RHOBTB1: variants seen among roughly 807,000 people sequenced by gnomAD.
RHOBTB1 encodes the protein rho-related BTB domain-containing protein 1.
Under a neutral mutation model 71.6 loss-of-function variants are expected in RHOBTB1, and 40 were observed. The observed-to-expected ratio is 0.56, with a 90% CI of 0.43 to 0.73. The LOEUF (loss-of-function observed/expected upper bound fraction) is 0.73. RHOBTB1 is among the 30% of genes least tolerant of loss of function. The probability of loss-of-function intolerance (pLI) is 0.00; values close to 1 mark genes in which losing one functional copy is unlikely to be tolerated. For synonymous variants in RHOBTB1, 319 were observed against 334.9 expected (o/e 0.95, Z 0.52); for missense variants, 797 against 894.0 (o/e 0.89, Z 1.38).
intron 2 of RHOBTB1, among the ~76,000 whole-genome samples, chr10:60,963,859 C>T (rs2085867153): frequency 6.6e-6 from 1 of 152,094 alleles, no homozygotes; most frequent in Admixed American, 6.6e-5. Flanking sequence ...GGTTCTTAGA[C>T]TATTAGGTAA....
At chr10:60,878,147 T>A in intron 7 of RHOBTB1, 89 bp from the exon 8 acceptor site, 1 of 1,022,670 alleles carries the variant, frequency 9.8e-7, no homozygotes, top group African/African-American at 1.6e-5. Flanking sequence ...ATATCCTGTG[T>A]GACTTGATAT....
At chr10:60,905,321 G>T (rs1370660658) in intron 4 of RHOBTB1, among the ~76,000 whole-genome samples, 1 of 151,566 alleles carries the variant, frequency 6.6e-6, no homozygotes, top group Non-Finnish European at 1.5e-5. Flanking sequence ...GTGGTGGTGG[G>T]CACCTGTAAT....
intron 2 of RHOBTB1, among the ~76,000 whole-genome samples, chr10:60,954,979 G>A (rs982895029): frequency 1.3e-5 from 2 of 151,400 alleles, no homozygotes. Flanking sequence ...TTATAAGAGG[G>A]AAATAGTCCA....
the RHOBTB1 span, among the ~76,000 whole-genome samples, chr10:60,862,431 C>T: frequency 6.7e-6 from 1 of 150,326 alleles, no homozygotes; most frequent in African/African-American, 2.5e-5. Context: ...CTTCTGACCT[C>T]AGGTGATCCG....
At chr10:60,876,489 T>C (rs529429632) in intron 8 of RHOBTB1, among the ~76,000 whole-genome samples, 175 of 152,306 alleles carry the variant, frequency 1.1e-3, no homozygotes, top group African/African-American at 4.0e-3. Flanking sequence ...CTGAGATTGA[T>C]CACAAACCTT....
chr10:60,938,365 G>A (rs1404679064), intron 2 of RHOBTB1, among the ~76,000 whole-genome samples: 3 of 152,172 alleles, frequency 2.0e-5, no homozygotes, highest in Non-Finnish European at 4.4e-5. Context: ...GCTGGGACTT[G>A]GAAGCCTGGG....
At chr10:60,934,735 T>A (rs1388586965) in intron 2 of RHOBTB1, among the ~76,000 whole-genome samples, 1 of 152,346 alleles carries the variant, frequency 6.6e-6, no homozygotes, top group Admixed American at 6.5e-5. Context: ...TATTCTCCCA[T>A]GCTTACTGAA....
intron 2 of RHOBTB1, among the ~76,000 whole-genome samples, chr10:60,975,780 T>C (rs1162512730): frequency 6.6e-6 from 1 of 152,096 alleles, no homozygotes; most frequent in African/African-American, 2.4e-5. Flanking sequence ...AACAGAATAA[T>C]ATATACAAAG....
At chr10:60,954,535 C>A (rs1272413132) in intron 2 of RHOBTB1, among the ~76,000 whole-genome samples, 1 of 152,094 alleles carries the variant, frequency 6.6e-6, no homozygotes. Context: ...ATAGAGGACA[C>A]CCCATTACAT....
chr10:60,991,689 C>T lies in RHOBTB1; in HGVS notation c.-162-5744G>A, dbSNP rs571910863. Among the ~76,000 whole-genome samples, 331 of 152,158 alleles carry T rather than the reference C, an allele frequency of 2.2e-3. 2 individuals carry two copies. The highest frequency in any genetic ancestry group is 7.7e-3 in the African/African-American group (321 of 41,504). On this transcript the variant is annotated intron_variant, in intron 1 of 11. Transcript: ENST00000357917. ...CTTGTGATCCACCCGCCTCAGCCTCCCAAAGTGCTGGGATTACAGACATGA... is the reference window on the plus strand; with the variant it reads ...CTTGTGATCCACCCGCCTCAGCCTCTCAAAGTGCTGGGATTACAGACATGA...
chr10:60,911,053 G>T, intron 3 of RHOBTB1, 63 bp from the exon 4 acceptor site: 1 of 1,302,264 alleles, frequency 7.7e-7, no homozygotes, highest in Non-Finnish European at 1.1e-6. Context: ...GGAGAAGCGT[G>T]TTCAAGTCAG....
intron 8 of RHOBTB1, among the ~76,000 whole-genome samples, chr10:60,876,211 A>G (rs1325031910): frequency 6.6e-6 from 1 of 152,208 alleles, no homozygotes; most frequent in African/African-American, 2.4e-5. Context: ...CACTGTAGAA[A>G]CTGATTTTTA....
chr10:60,967,049 TG>T (rs1326026876), intron 2 of RHOBTB1, among the ~76,000 whole-genome samples: 1 of 151,638 alleles, frequency 6.6e-6, no homozygotes, highest in Non-Finnish European at 1.5e-5. Flanking sequence ...TAAAGCAGGG[TG>T]GGGGTGAGGG....
chr10:60,942,335 A>T (rs773602548), intron 1 of RHOBTB1, among the ~76,000 whole-genome samples: 99 of 152,340 alleles, frequency 6.5e-4, no homozygotes, highest in Non-Finnish European at 1.2e-3. Flanking sequence ...AAACTGTTAC[A>T]TGTGTTTCTA....
chr10:60,968,882 G>T (rs1162247551), intron 2 of RHOBTB1, among the ~76,000 whole-genome samples: 1 of 152,060 alleles, frequency 6.6e-6, no homozygotes, highest in African/African-American at 2.4e-5. Context: ...GACATCAGGG[G>T]TGTTGGCAGT....
At chr10:60,908,321 C>T (rs1589262576) in intron 4 of RHOBTB1, among the ~76,000 whole-genome samples, 1 of 152,178 alleles carries the variant, frequency 6.6e-6, no homozygotes, top group East Asian at 1.9e-4. Context: ...ACTGTCACCA[C>T]AAGAATCAAA....
At chr10:60,991,932 T>C (rs983915431) in intron 1 of RHOBTB1, among the ~76,000 whole-genome samples, 1 of 152,188 alleles carries the variant, frequency 6.6e-6, no homozygotes, top group Non-Finnish European at 1.5e-5. Flanking sequence ...ATTGTCTGTC[T>C]TCCCCTTCTA....
chr10:60,904,688 C>G (rs1019299003), intron 4 of RHOBTB1, among the ~76,000 whole-genome samples: 6 of 152,218 alleles, frequency 3.9e-5, no homozygotes, highest in Admixed American at 1.3e-4. Flanking sequence ...CTTCTAGGTA[C>G]TGGCTAAAAT....
In RHOBTB1 at chr10:60,871,430, G is replaced by A. The variant is rs909095484; in HGVS notation, c.*52C>T. 9.6e-6 allele frequency: 15 copies of A among 1,568,444 alleles called. No homozygotes were observed. The African/African-American group carries it at 1.4e-4, about 14-fold the overall frequency. ...TTTTATAGTAGTGCTTTGAAAAGTG[G>A]TGGATCAGATTACCGATTGGTTTCT... On this transcript the variant is annotated 3_prime_UTR_variant, in exon 11 of 11. Transcript: ENST00000337910.
Sources: allele counts gnomAD v4.1 joint callset (sites outside exome capture counted in the v4.1 genomes callset), GRCh38; gene constraint gnomAD v4.1.1; transcripts MANE v1.5; gene names NCBI Gene and HGNC (gene_info 2026-07-23, HGNC 2026-07-21).